Variants in PPP2R3C observed in about 807,000 individuals in gnomAD.
The protein encoded by PPP2R3C is serine/threonine-protein phosphatase 2A regulatory subunit B'' subunit gamma.
Under a neutral mutation model 63.7 loss-of-function variants are expected in PPP2R3C, and 47 were observed. The ratio of observed to expected loss-of-function variants is 0.74; its 90% CI spans 0.58 to 0.94. The LOEUF (loss-of-function observed/expected upper bound fraction) is 0.94, where lower values mean the gene tolerates loss of function less well. Ranked by LOEUF, PPP2R3C falls within the 40% of genes least tolerant of loss-of-function variation. PPP2R3C has a pLI of 0.00. For missense variants in PPP2R3C, 421 were observed against 518.4 expected (o/e 0.81, Z 1.82); for synonymous variants, 180 against 177.4 (o/e 1.01, Z -0.12).
Position 35,109,875 on chromosome 14 carries a change from C to T in PPP2R3C, c.348G>A (p.Ala116=), listed in dbSNP as rs764736060. The T allele has an allele frequency of 2.4e-5, 39 of 1,612,274 alleles. No homozygotes were observed. Among genetic ancestry groups the T allele is most frequent in the Middle Eastern group, 1.6e-4 (1 of 6,078 alleles). The change falls in exon 4 of 13, where the codon GCG becomes GCA. Residue 116 remains alanine, a synonymous_variant. Coordinates refer to ENST00000261475, the MANE Select transcript of PPP2R3C (RefSeq NM_017917.4). ...HQTPPMIGEE[A]MINYENFLKV... ...TCAAAAAGTTTTCGTAATTGATCAT[C>T]GCTTCCTCTCCAATCATAGGTGGTG...
intron 7 of PPP2R3C, among the ~76,000 whole-genome samples, chr14:35,097,611 T>C (rs1217043802): frequency 6.6e-6 from 1 of 151,690 alleles, no homozygotes; most frequent in Non-Finnish European, 1.5e-5. Flanking sequence ...GCCTCCTAAG[T>C]AGCTGGGAAT....
chr14:35,111,328 T>C (rs1423749938), intron 2 of PPP2R3C, among the ~76,000 whole-genome samples: 5 of 151,416 alleles, frequency 3.3e-5, no homozygotes, highest in African/African-American at 1.2e-4. Flanking sequence ...TGCAAAATTA[T>C]AACAGTGACA....
At chr14:35,106,607 T>C (rs2046366964) in intron 6 of PPP2R3C, 1 of 150,384 alleles carries the variant, frequency 6.6e-6, no homozygotes. Context: ...CCTCCCAAAG[T>C]GCTGGGAGTA....
chr14:35,095,638 A>C (rs1595087057), intron 9 of PPP2R3C, among the ~76,000 whole-genome samples: 1 of 151,014 alleles, frequency 6.6e-6, no homozygotes, highest in South Asian at 2.1e-4. Flanking sequence ...GGAGTTCCAG[A>C]CCAGCCTGGC....
At chr14:35,116,552 G>C in intron 2 of PPP2R3C, 58 bp downstream of exon 2, 1 of 1,401,686 alleles carries the variant, frequency 7.1e-7, no homozygotes, top group Non-Finnish European at 9.5e-7. Context: ...ACCCTGCCTT[G>C]CCAAAAATTA....
chr14:35,090,344 T>C (rs1224057013), intron 11 of PPP2R3C, among the ~76,000 whole-genome samples: 9 of 147,098 alleles, frequency 6.1e-5, no homozygotes, highest in African/African-American at 1.5e-4. Flanking sequence ...TGGGTTCAAG[T>C]GATTCTCCTG....
chr14:35,110,521 T>C lies in PPP2R3C; in HGVS notation c.291+4A>G. On this transcript the variant is annotated splice_donor_region_variant and intron_variant, in intron 3 of 12. Coordinates refer to ENST00000261475, the MANE Select transcript of PPP2R3C (RefSeq NM_017917.4). ...TCTAAAGCAACTTTTTGCTTTGTTC[T>C]TACCTGTAATTCTTCATTATCTAAC... 1 of 1,584,028 alleles carries C rather than the reference T, an allele frequency of 6.3e-7. No individual in the cohort carries two copies. The highest frequency in any genetic ancestry group is 8.6e-7 in the Non-Finnish European group (1 of 1,158,950).
intron 5 of PPP2R3C, chr14:35,107,598 A>T: frequency 2.0e-6 from 1 of 502,226 alleles, no homozygotes; most frequent in Non-Finnish European, 3.6e-6. Flanking sequence ...ACTGTTCTTT[A>T]CCAATTAAAC....
chr14:35,087,738 T>C (rs2045657158), intron 12 of PPP2R3C: 1 of 515,026 alleles, frequency 1.9e-6, no homozygotes, highest in South Asian at 2.4e-5. Flanking sequence ...ATGCTTCCAA[T>C]GAAAACATAA....
chr14:35,095,839 A>T (rs1185873772), intron 9 of PPP2R3C, among the ~76,000 whole-genome samples: 2 of 140,796 alleles, frequency 1.4e-5, no homozygotes, highest in Admixed American at 1.4e-4. Flanking sequence ...TAACAGTGCA[A>T]GACTCTATCT....
Position 35,087,955 on chromosome 14 carries a change from A to G in PPP2R3C, c.1169T>C (p.Val390Ala). 6.3e-7 allele frequency: 1 copy of G among 1,591,346 alleles called. No individual in the cohort carries two copies. Among genetic ancestry groups the G allele is most frequent in the Non-Finnish European group, 8.6e-7 (1 of 1,159,464 alleles). Residue 390 changes from valine (V) to alanine (A), a missense_variant, in exon 12 of 13, where the codon GTC becomes GCC. Physicochemically the swap from Val to Ala is moderately conservative, Grantham distance 64 (BLOSUM62 0). Around this residue, in one of 3 missense-constraint regions of PPP2R3C, gnomAD observed 231 missense variants for 264.8 expected, o/e 0.87. Transcript: ENST00000261475. ...HGQDPVSFQD[V>A]KDEIFDMVKP... ...TAAATTAAAGGAAAAGATAACCTTG[A>G]CATCTTGAAATGAAACAGGATCTTG...
At chr14:35,117,256 CCTG>C in intron 1 of PPP2R3C, 1 of 434,810 alleles carries the variant, frequency 2.3e-6, no homozygotes, top group South Asian at 1.6e-5. Context: ...CTGCAACTCG[CCTG>C]CTATTGGCAC....
intron 6 of PPP2R3C, among the ~76,000 whole-genome samples, chr14:35,103,810 A>C (rs2046267338): frequency 6.6e-6 from 1 of 152,236 alleles, no homozygotes; most frequent in South Asian, 2.1e-4. Flanking sequence ...TAAGTGAATA[A>C]AACTTTGTAT....
intron 11 of PPP2R3C, among the ~76,000 whole-genome samples, chr14:35,088,620 T>C (rs2045686604): frequency 6.6e-6 from 1 of 152,242 alleles, no homozygotes; most frequent in African/African-American, 2.4e-5. Flanking sequence ...TTGTTCCCGA[T>C]GCCTACTCTG....
intron 2 of PPP2R3C, chr14:35,110,843 G>T: frequency 2.0e-6 from 1 of 492,384 alleles, no homozygotes; most frequent in South Asian, 2.5e-5. Context: ...CATTCTAAAA[G>T]CTAGTCTAGA....
chr14:35,088,996 CTG>C (rs1460788279), intron 11 of PPP2R3C, among the ~76,000 whole-genome samples: 1 of 152,054 alleles, frequency 6.6e-6, no homozygotes, highest in African/African-American at 2.4e-5. Flanking sequence ...TTTCTTAAGA[CTG>C]GATTTTTACC....
chr14:35,107,277 T>C (rs1441739430), intron 6 of PPP2R3C, 27 bp downstream of exon 6: 1 of 1,520,602 alleles, frequency 6.6e-7, no homozygotes, highest in South Asian at 1.1e-5. Context: ...TAAGAGTTAA[T>C]ATAATATCTA....
chr14:35,087,146 T>A (rs1171990496), intron 12 of PPP2R3C: 2 of 152,126 alleles, frequency 1.3e-5, no homozygotes, highest in Non-Finnish European at 2.9e-5. Flanking sequence ...CTGCTAAAAC[T>A]TACTGGAACA....
At chr14:35,108,338 G>A in intron 4 of PPP2R3C, 102 bp from the exon 5 acceptor site, 1 of 1,367,194 alleles carries the variant, frequency 7.3e-7, no homozygotes, top group Non-Finnish European at 9.6e-7. Context: ...AATTAAAAAT[G>A]AAAGAACAAT....
Sources: allele counts gnomAD v4.1 joint callset (sites outside exome capture counted in the v4.1 genomes callset), GRCh38; gene constraint gnomAD v4.1.1; regional missense constraint gnomAD v4.1.1; transcripts MANE v1.5; gene names NCBI Gene and HGNC (gene_info 2026-07-23, HGNC 2026-07-21).